EEFSEC: variants seen among roughly 807,000 people sequenced by gnomAD.
EEFSEC encodes the protein selenocysteine-specific elongation factor.
In EEFSEC, 43 loss-of-function variants were observed where a neutral mutation model predicts 42.1. That is an observed-to-expected ratio of 1.02 (90% CI 0.80 to 1.32). The LOEUF is 1.32. Ranked by LOEUF, EEFSEC falls within the 40% of genes most tolerant of loss-of-function variation. The pLI, the probability that EEFSEC is intolerant of heterozygous loss-of-function variation, is 0.00. For synonymous variants in EEFSEC, 354 were observed against 339.1 expected, an observed-to-expected ratio of 1.04 and a Z score of -0.48; for missense variants, 745 against 803.6, an observed-to-expected ratio of 0.93 and a Z score of 0.88.
intron 4 of EEFSEC, among the ~76,000 whole-genome samples, chr3:128,302,624 T>TG (rs922587835): frequency 4.6e-5 from 7 of 152,020 alleles, no homozygotes; most frequent in Admixed American, 6.6e-5. Flanking sequence ...TGTTTTTTTT[T>TG]GGGGGAGGTA....
At chr3:128,248,032 A>G (rs1004784390) in intron 2 of EEFSEC, among the ~76,000 whole-genome samples, 7 of 152,214 alleles carry the variant, frequency 4.6e-5, no homozygotes, top group Admixed American at 3.3e-4. Flanking sequence ...GGACTGTGAG[A>G]CAGAAAGCCA....
chr3:128,155,643 G>A (rs543317844), intron 1 of EEFSEC, among the ~76,000 whole-genome samples: 9 of 152,120 alleles, frequency 5.9e-5, no homozygotes, highest in Non-Finnish European at 1.3e-4. Flanking sequence ...GCAATATTCT[G>A]TATGCCACAC....
intron 1 of EEFSEC, among the ~76,000 whole-genome samples, chr3:128,158,528 G>A (rs914618873): frequency 6.6e-6 from 1 of 152,114 alleles, no homozygotes; most frequent in African/African-American, 2.4e-5. Flanking sequence ...CTGATCAGTC[G>A]GCAACCATCA....
At chr3:128,417,599 G>A in the EEFSEC span, among the ~76,000 whole-genome samples, 1 of 152,200 alleles carries the variant, frequency 6.6e-6, no homozygotes, top group Non-Finnish European at 1.5e-5. This position sits in a 1 kb window ranked among gnomAD's most constrained non-coding sequence, Gnocchi z 4.3. Context: ...TCTAGGGACA[G>A]GGGTTTCTGT....
At chr3:128,253,687 C>T (rs1035280974) in intron 2 of EEFSEC, among the ~76,000 whole-genome samples, 2 of 151,794 alleles carry the variant, frequency 1.3e-5, no homozygotes, top group African/African-American at 4.8e-5. Flanking sequence ...TTATTTTTCC[C>T]TCCCTCGTTC....
At chr3:128,235,109 G>A (rs568488197) in intron 1 of EEFSEC, among the ~76,000 whole-genome samples, 1 of 152,156 alleles carries the variant, frequency 6.6e-6, no homozygotes, top group South Asian at 2.1e-4. Flanking sequence ...CTGTTGCCCA[G>A]GTTGGAGTGC....
At chr3:128,306,659 T>G (rs2066830409) in intron 4 of EEFSEC, among the ~76,000 whole-genome samples, 1 of 152,260 alleles carries the variant, frequency 6.6e-6, no homozygotes, top group African/African-American at 2.4e-5. Flanking sequence ...TTTCCCCATC[T>G]GTAAAATGGG....
In EEFSEC at chr3:128,341,768, C is replaced by T. The variant is rs747582191; in HGVS notation, c.1322C>T (p.Thr441Met). The T allele has an allele frequency of 8.1e-6, 13 of 1,614,138 alleles. No homozygotes were observed. Among genetic ancestry groups the T allele is most frequent in the African/African-American group, 2.7e-5 (2 of 75,062 alleles). ...SRLDADIHTN[T>M]CRLAFHGILL... ...CTAGATGCGGACATTCACACCAACA[C>T]GTGCCGGCTAGCCTTCCATGGCATC... Residue 441 changes from threonine to methionine, a missense_variant, in exon 5 of 7, where the codon ACG becomes ATG. Thr to Met is a moderately conservative substitution (Grantham distance 81). Transcript: ENST00000254730.
chr3:128,216,079 A>G (rs765465575), intron 1 of EEFSEC, among the ~76,000 whole-genome samples: 4 of 152,244 alleles, frequency 2.6e-5, no homozygotes, highest in South Asian at 2.1e-4. Flanking sequence ...TGGGTTTCCA[A>G]ATCTCTCAGA....
rs187637879 is a variant in EEFSEC at position 128,406,868 on chromosome 3, A to G, written c.1601-1201A>G. Among the ~76,000 whole-genome samples the G allele has an allele frequency of 5.7e-3, 858 of 151,484 alleles. 8 individuals carry two copies. Among genetic ancestry groups the G allele is most frequent in the South Asian group, 0.031 (150 of 4,818 alleles). Reference sequence around the variant, plus strand: ...TATATATACACATATATATACATATATATACATACATATATATATATTACA... The same window carrying G: ...TATATATACACATATATATACATATGTATACATACATATATATATATTACA... On this transcript the variant is annotated intron_variant, in intron 6 of 6. Transcript: ENST00000254730.
At position 128,153,581 on chromosome 3, in the gene EEFSEC, G is replaced by T; in HGVS notation, c.74G>T (p.Arg25Leu). The T allele has an allele frequency of 6.4e-7, 1 of 1,560,750 alleles. No homozygotes were observed. The highest frequency in any genetic ancestry group is 2.4e-5 in the East Asian group (1 of 41,050). ...GACAGCGGCAAGACGGCGCTGGCGC[G>T]GGCGCTAAGCACCACAGCCTCCACC... ...HIDSGKTALA[R>L]ALSTTASTAA... The change falls in exon 1 of 7, where the codon CGG (arginine) becomes CTG (leucine). Residue 25 changes from arginine to leucine, a missense_variant. Transcript: ENST00000254730.
chr3:128,328,731 C>T (rs1159125538), intron 4 of EEFSEC, among the ~76,000 whole-genome samples: 4 of 152,158 alleles, frequency 2.6e-5, no homozygotes, highest in Admixed American at 6.5e-5. Context: ...CCTGGGGCTC[C>T]GAGCCTTGTA....
chr3:128,336,549 C>T (rs2067191649), intron 4 of EEFSEC, among the ~76,000 whole-genome samples: 1 of 152,210 alleles, frequency 6.6e-6, no homozygotes. Context: ...TCAGCCAGCC[C>T]TGCCACCCGC....
the EEFSEC span, among the ~76,000 whole-genome samples, chr3:128,416,170 G>C: frequency 1.3e-5 from 2 of 152,156 alleles, no homozygotes; most frequent in African/African-American, 2.4e-5. Context: ...GCCGGAAGGT[G>C]GGGGAGGGGC....
At chr3:128,331,993 GCCA>G (rs2067138750) in intron 4 of EEFSEC, among the ~76,000 whole-genome samples, 1 of 152,008 alleles carries the variant, frequency 6.6e-6, no homozygotes, top group Non-Finnish European at 1.5e-5. Context: ...TAAAGAAATG[GCCA>G]CCGTGAAATC....
At chr3:128,246,251 CG>C (rs2066126164) in intron 1 of EEFSEC, among the ~76,000 whole-genome samples, 1 of 148,614 alleles carries the variant, frequency 6.7e-6, no homozygotes, top group East Asian at 1.9e-4. Flanking sequence ...CACACACACA[CG>C]CACACAAATG....
At chr3:128,221,110 C>A (rs1187807219) in intron 1 of EEFSEC, among the ~76,000 whole-genome samples, 1 of 152,242 alleles carries the variant, frequency 6.6e-6, no homozygotes, top group Non-Finnish European at 1.5e-5. Flanking sequence ...TTGCAATTTA[C>A]CATGTTTTTT....
intron 1 of EEFSEC, among the ~76,000 whole-genome samples, chr3:128,183,574 T>C (rs2065433998): frequency 6.6e-6 from 1 of 152,248 alleles, no homozygotes; most frequent in Admixed American, 6.5e-5. Flanking sequence ...AAATGTGACC[T>C]GGAACAAGAT....
chr3:128,261,208 C>G (rs1022084475), intron 2 of EEFSEC, among the ~76,000 whole-genome samples: 3 of 152,144 alleles, frequency 2.0e-5, no homozygotes, highest in African/African-American at 7.2e-5. Flanking sequence ...AAATGTGGCT[C>G]TAAGGTTTAT....
Sources: allele counts gnomAD v4.1 joint callset (sites outside exome capture counted in the v4.1 genomes callset), GRCh38; gene constraint gnomAD v4.1.1; non-coding constraint Gnocchi (gnomAD v3.1); transcripts MANE v1.5; gene names NCBI Gene and HGNC (gene_info 2026-07-23, HGNC 2026-07-21).